CNOT4: variants seen among roughly 807,000 people sequenced by gnomAD.
CNOT4 encodes CCR4-NOT transcription complex subunit 4.
CNOT4 carries 8 observed loss-of-function variants against 73.8 expected under a neutral mutation model. That is an observed-to-expected ratio of 0.11 (90% CI 0.06 to 0.20). CNOT4 has a LOEUF of 0.20. CNOT4 is among the 10% of genes least tolerant of loss of function. The probability of loss-of-function intolerance (pLI) is 1.00; values close to 1 mark genes in which losing one functional copy is unlikely to be tolerated. For missense variants in CNOT4, 564 were observed against 883.4 expected (o/e 0.64, Z 4.58); for synonymous variants, 293 against 321.1 (o/e 0.91, Z 0.94).
chr7:135,509,773 G>T, intron 1 of CNOT4, 116 bp downstream of exon 1: 1 of 341,762 alleles, frequency 2.9e-6, no homozygotes, highest in Non-Finnish European at 5.2e-6. Flanking sequence ...GGGTGAAGAT[G>T]AGGCGGGGGG....
intron 10 of CNOT4, among the ~76,000 whole-genome samples, chr7:135,390,498 T>TC (rs1239743009): frequency 3.3e-5 from 5 of 151,910 alleles, no homozygotes; most frequent in Non-Finnish European, 1.5e-5. Context: ...AATCAAAATT[T>TC]CCCCCAAGAA....
intron 2 of CNOT4, among the ~76,000 whole-genome samples, chr7:135,424,080 C>T (rs1563041624): frequency 9.2e-6 from 1 of 108,330 alleles, no homozygotes; most frequent in Non-Finnish European, 2.0e-5. Context: ...CACACACACA[C>T]ACACACACAC....
chr7:135,414,119 G>A (rs1403355226), intron 5 of CNOT4, among the ~76,000 whole-genome samples: 3 of 151,872 alleles, frequency 2.0e-5, no homozygotes, highest in African/African-American at 7.3e-5. Context: ...GATTATCCCC[G>A]ATAATGAATG....
intron 9 of CNOT4, among the ~76,000 whole-genome samples, chr7:135,395,100 A>G (rs1418704604): frequency 6.6e-6 from 1 of 152,202 alleles, no homozygotes; most frequent in African/African-American, 2.4e-5. Flanking sequence ...TAAAAATCTA[A>G]GTCCTTGCCA....
chr7:135,388,647 G>A, intron 10 of CNOT4: 1 of 1,300,636 alleles, frequency 7.7e-7, no homozygotes, highest in Non-Finnish European at 9.9e-7. Flanking sequence ...CAACTATGAG[G>A]TAACACGCTA....
chr7:135,440,894 C>T (rs1485923632), intron 1 of CNOT4, among the ~76,000 whole-genome samples: 2 of 147,324 alleles, frequency 1.4e-5, no homozygotes, highest in Non-Finnish European at 3.0e-5. Context: ...AGCCTGGTGA[C>T]AGAGAGAGAC....
chr7:135,492,477 G>C (rs1308479894), intron 1 of CNOT4, among the ~76,000 whole-genome samples: 2 of 152,198 alleles, frequency 1.3e-5, no homozygotes, highest in Non-Finnish European at 2.9e-5. Context: ...ACGGGGCAAG[G>C]TACAGTGAAA....
intron 7 of CNOT4, among the ~76,000 whole-genome samples, chr7:135,404,876 G>A (rs556903703): frequency 6.6e-6 from 1 of 152,234 alleles, no homozygotes; most frequent in East Asian, 1.9e-4. Flanking sequence ...CAATTCCTTG[G>A]AATTTACAAT....
At chr7:135,453,826 TTATATA>T (rs55732572) in intron 1 of CNOT4, among the ~76,000 whole-genome samples, 2,972 of 89,896 alleles carry the variant, frequency 0.033, 120 homozygotes, top group East Asian at 0.11. Flanking sequence ...TATATATATT[TTATATA>T]TATATATATA....
chr7:135,448,772 A>G lies in CNOT4; in HGVS notation c.-92-10349T>C, dbSNP rs79380794. Among the ~76,000 whole-genome samples the G allele has an allele frequency of 2.2e-3, 340 of 152,342 alleles. 11 individuals are homozygous for G. The East Asian group carries it at 0.054, about 24-fold the overall frequency. ...TATCGATAAAGAGACATTATTAAAA[A>G]GAACCAAATGGAAATTCTGGAGTTG... On this transcript the variant is annotated intron_variant, in intron 1 of 11. Coordinates refer to ENST00000541284, the MANE Select transcript of CNOT4 (RefSeq NM_001190850.2).
At chr7:135,423,481 A>G (rs1406431875) in intron 2 of CNOT4, among the ~76,000 whole-genome samples, 1 of 152,104 alleles carries the variant, frequency 6.6e-6, no homozygotes, top group Non-Finnish European at 1.5e-5. Flanking sequence ...TAAAAAAAAA[A>G]AAAACCTCTC....
intron 10 of CNOT4, among the ~76,000 whole-genome samples, chr7:135,380,758 G>A (rs1197828068): frequency 6.6e-6 from 1 of 152,160 alleles, no homozygotes; most frequent in Non-Finnish European, 1.5e-5. Flanking sequence ...ACTTCAAATT[G>A]TTGTTAGAAT....
chr7:135,375,122 A>G (rs1795449217), intron 10 of CNOT4, among the ~76,000 whole-genome samples: 1 of 152,266 alleles, frequency 6.6e-6, no homozygotes, highest in Admixed American at 6.5e-5. Context: ...TACAAATATT[A>G]GTAACAAGTT....
chr7:135,391,648 A>G (rs572853400), intron 10 of CNOT4, among the ~76,000 whole-genome samples: 1 of 152,240 alleles, frequency 6.6e-6, no homozygotes, highest in South Asian at 2.1e-4. Context: ...TCCATAAAGC[A>G]TCTACTTTAG....
At chr7:135,405,486 GC>G (rs1284153724) in intron 7 of CNOT4, among the ~76,000 whole-genome samples, 1 of 152,062 alleles carries the variant, frequency 6.6e-6, no homozygotes, top group Non-Finnish European at 1.5e-5. Flanking sequence ...ATATTTCAAA[GC>G]CCCAAACTTA....
intron 10 of CNOT4, among the ~76,000 whole-genome samples, chr7:135,385,721 G>A (rs139378215): frequency 6.6e-6 from 1 of 152,278 alleles, no homozygotes; most frequent in South Asian, 2.1e-4. Context: ...TGTCGGAGCA[G>A]TTACTGAGAG....
intron 10 of CNOT4, among the ~76,000 whole-genome samples, chr7:135,379,131 C>G (rs1167069982): frequency 6.7e-6 from 1 of 148,858 alleles, no homozygotes; most frequent in African/African-American, 2.4e-5. Flanking sequence ...GAGAAAGAAA[C>G]TTCTCCTTTG....
At chr7:135,368,346 A>AT (rs1795021136) in intron 10 of CNOT4, among the ~76,000 whole-genome samples, 1 of 152,218 alleles carries the variant, frequency 6.6e-6, no homozygotes, top group Non-Finnish European at 1.5e-5. Context: ...TATAAAATGC[A>AT]TATATTAAGA....
chr7:135,384,711 A>C (rs1465083150), intron 10 of CNOT4: 2 of 765,114 alleles, frequency 2.6e-6, no homozygotes, highest in East Asian at 2.4e-5. Context: ...TCTTCCTCTC[A>C]ATTGGCTCTG....
Sources: gnomAD v4.1 joint callset for allele counts (sites outside exome capture counted in the v4.1 genomes callset) on GRCh38, gnomAD v4.1.1 for gene constraint, MANE v1.5 for transcripts, NCBI Gene and HGNC (gene_info 2026-07-23, HGNC 2026-07-21) for gene names.